DPP10: variants seen among roughly 807,000 people sequenced by gnomAD.
DPP10 encodes the protein inactive dipeptidyl peptidase 10.
DPP10 carries 33 observed loss-of-function variants against 120.9 expected under a neutral mutation model. The observed-to-expected ratio is 0.27, with a 90% CI of 0.21 to 0.37. The LOEUF (loss-of-function observed/expected upper bound fraction) is 0.37, where lower values mean the gene tolerates loss of function less well. Ranked by LOEUF, DPP10 falls within the 10% of genes least tolerant of loss-of-function variation. The pLI, the probability that DPP10 is intolerant of heterozygous loss-of-function variation, is 1.00. For missense variants in DPP10, 816 were observed against 942.8 expected, an observed-to-expected ratio of 0.87 and a Z score of 1.76; for synonymous variants, 337 against 326.1, an observed-to-expected ratio of 1.03 and a Z score of -0.36.
At chr2:115,043,519 G>T (rs969651361) in intron 1 of DPP10, among the ~76,000 whole-genome samples, 1 of 152,162 alleles carries the variant, frequency 6.6e-6, no homozygotes, top group Non-Finnish European at 1.5e-5. Context: ...ACTTTCAGTG[G>T]CTGATGCCTA....
chr2:114,674,495 C>A (rs567837289), intron 1 of DPP10, among the ~76,000 whole-genome samples: 205 of 152,176 alleles, frequency 1.3e-3, no homozygotes, highest in African/African-American at 4.8e-3. Context: ...AGGAAAAAGA[C>A]ATTATTTCAA....
intron 1 of DPP10, among the ~76,000 whole-genome samples, chr2:114,538,809 A>G (rs1392503332): frequency 1.3e-5 from 2 of 152,222 alleles, no homozygotes; most frequent in Non-Finnish European, 2.9e-5. Flanking sequence ...AGAATGTCCA[A>G]CTTGCAGTAG....
intron 1 of DPP10, among the ~76,000 whole-genome samples, chr2:115,227,820 T>G (rs533914981): frequency 5.8e-4 from 89 of 152,218 alleles, no homozygotes; most frequent in Admixed American, 1.4e-3. Flanking sequence ...TTTTATGCTT[T>G]CTTTTTATTC....
At chr2:114,975,918 T>G (rs571711644) in intron 1 of DPP10, among the ~76,000 whole-genome samples, 2 of 152,326 alleles carry the variant, frequency 1.3e-5, no homozygotes, top group East Asian at 3.9e-4. Context: ...CCCAAAATAC[T>G]GGGATTACAG....
chr2:115,232,288 ACTAAG>A (rs1352122753), intron 1 of DPP10, among the ~76,000 whole-genome samples: 1 of 151,838 alleles, frequency 6.6e-6, no homozygotes, highest in African/African-American at 2.4e-5. Flanking sequence ...TATAGTTACT[ACTAAG>A]AGAAATGTTC....
chr2:114,928,373 G>A (rs570772422), intron 1 of DPP10, among the ~76,000 whole-genome samples: 1 of 152,266 alleles, frequency 6.6e-6, no homozygotes, highest in South Asian at 2.1e-4. Context: ...CAAAAGAAAG[G>A]GATAACAGGC....
intron 1 of DPP10, among the ~76,000 whole-genome samples, chr2:114,700,438 A>G (rs576039034): frequency 1.7e-3 from 262 of 152,276 alleles, no homozygotes; most frequent in African/African-American, 5.9e-3. Context: ...GAGTAAAAAT[A>G]TTTGTCAGGA....
intron 1 of DPP10, among the ~76,000 whole-genome samples, chr2:114,692,824 C>T (rs1699850225): frequency 1.3e-5 from 2 of 152,050 alleles, no homozygotes; most frequent in East Asian, 1.9e-4. Context: ...GAACCCTTTA[C>T]AATTATGTAA....
At chr2:115,823,544 TG>T (rs1467383853) in intron 21 of DPP10, among the ~76,000 whole-genome samples, 1 of 152,214 alleles carries the variant, frequency 6.6e-6, no homozygotes, top group Non-Finnish European at 1.5e-5. Context: ...GTCTTTAGCA[TG>T]TGAATAAAAC....
At chr2:114,998,092 A>G (rs527921908) in intron 1 of DPP10, among the ~76,000 whole-genome samples, 1 of 152,318 alleles carries the variant, frequency 6.6e-6, no homozygotes, top group South Asian at 2.1e-4. Context: ...ACTATTGATA[A>G]GCAATCATCT....
At chr2:115,285,930 C>A (rs76897581) in intron 1 of DPP10, among the ~76,000 whole-genome samples, 1 of 151,900 alleles carries the variant, frequency 6.6e-6, no homozygotes, top group Non-Finnish European at 1.5e-5. Flanking sequence ...CTCTTTCCCG[C>A]TACAGGATAA....
intron 1 of DPP10, among the ~76,000 whole-genome samples, chr2:115,040,331 C>G (rs1704542449): frequency 6.6e-6 from 1 of 151,914 alleles, no homozygotes; most frequent in African/African-American, 2.4e-5. Context: ...TTATTTAACC[C>G]TCCTCAGAGT....
intron 1 of DPP10, among the ~76,000 whole-genome samples, chr2:114,718,400 G>GAAAAAAAAAAAAAAAAAAAAAAAA: frequency 1.2e-5 from 1 of 81,180 alleles, no homozygotes; most frequent in Non-Finnish European, 2.3e-5. Flanking sequence ...GACTCTGTTT[G>GAAAAAAAAAAAAAAAAAAAAAAAA]AAAAAAAAAA....
intron 1 of DPP10, among the ~76,000 whole-genome samples, chr2:114,512,478 C>A (rs908464116): frequency 2.6e-5 from 4 of 152,178 alleles, no homozygotes; most frequent in Non-Finnish European, 5.9e-5. Flanking sequence ...GTGGTTCAGA[C>A]AAACCTGATG....
chr2:114,965,964 C>CAAAAAAAAAAAAAAAAAAAAAAA (rs57107624), intron 1 of DPP10, among the ~76,000 whole-genome samples: 6 of 74,806 alleles, frequency 8.0e-5, no homozygotes, highest in Admixed American at 2.0e-4. Context: ...GACTCCTTCT[C>CAAAAAAAAAAAAAAAAAAAAAAA]AAAAAAAAAA....
chr2:115,620,177 A>G (rs991628754), intron 5 of DPP10, among the ~76,000 whole-genome samples: 22 of 152,186 alleles, frequency 1.4e-4, no homozygotes, highest in African/African-American at 5.3e-4. Flanking sequence ...CAAATCTGTC[A>G]TCTAATCACT....
intron 1 of DPP10, among the ~76,000 whole-genome samples, chr2:114,446,146 G>A (rs946419546): frequency 1.3e-5 from 2 of 152,170 alleles, no homozygotes; most frequent in African/African-American, 4.8e-5. Context: ...CCCACCATGG[G>A]TAGCAAACTT....
At chr2:115,259,054 A>G (rs1244942891) in intron 1 of DPP10, among the ~76,000 whole-genome samples, 1 of 152,206 alleles carries the variant, frequency 6.6e-6, no homozygotes, top group Non-Finnish European at 1.5e-5. Flanking sequence ...CAGGACAGAT[A>G]GAGTTGTGGT....
intron 1 of DPP10, among the ~76,000 whole-genome samples, chr2:114,791,939 T>C (rs2106241664): frequency 6.6e-6 from 1 of 152,350 alleles, no homozygotes; most frequent in South Asian, 2.1e-4. Flanking sequence ...GCCTTCGCAC[T>C]TTTCTTCTAG....
Sources: gnomAD v4.1 joint callset for allele counts (sites outside exome capture counted in the v4.1 genomes callset) on GRCh38, gnomAD v4.1.1 for gene constraint, MANE v1.5 for transcripts, NCBI Gene and HGNC (gene_info 2026-07-23, HGNC 2026-07-21) for gene names.